The following FAM83G variants were observed in gnomAD, a reference collection of about 807,000 sequenced individuals.
FAM83G encodes the protein scaffolding CK1 anchoring protein G.
In FAM83G, 38 loss-of-function variants were observed where a neutral mutation model predicts 61.5. That is an observed-to-expected ratio of 0.62 (90% CI 0.48 to 0.81). The LOEUF is 0.81. Among genes scored for constraint, FAM83G ranks in the 30% least tolerant of loss-of-function variants. The pLI, the probability that FAM83G is intolerant of heterozygous loss-of-function variation, is 0.00. For synonymous variants in FAM83G, 470 were observed against 476.1 expected (o/e 0.99, Z 0.17); for missense variants, 989 against 1,133.6 (o/e 0.87, Z 1.83).
chr17:19,004,026 C>T lies in FAM83G; in HGVS notation c.16G>A (p.Val6Met). 6.3e-7 allele frequency: 1 copy of T among 1,598,078 alleles called. No homozygotes were observed. Among genetic ancestry groups the T allele is most frequent in the South Asian group, 1.1e-5 (1 of 89,888 alleles). The change falls in exon 2 of 6, where the codon GTG becomes ATG. Residue 6 changes from valine to methionine, a missense_variant. By Grantham distance (21) the Val-to-Met change is conservative. Transcript: ENST00000388995. This position sits in a 1 kb window ranked among gnomAD's most constrained non-coding sequence, Gnocchi z 5.4. MAFSQ[V>M]QCLDDNHVNW... Reference sequence around the variant, plus strand: ...ACATGGTTGTCGTCCAGACACTGCACCTGAGAGAAGGCCATGGCGCCGCCT... The same window carrying T: ...ACATGGTTGTCGTCCAGACACTGCATCTGAGAGAAGGCCATGGCGCCGCCT...
Position 18,976,717 on chromosome 17 carries a change from G to A in FAM83G, c.2082+867C>T, listed in dbSNP as rs978219876. 18 of 1,160,046 alleles carry A rather than the reference G, an allele frequency of 1.6e-5. No homozygotes were observed. The Admixed American group carries it at 4.1e-4, about 26-fold the overall frequency. 71.9% of individuals were successfully genotyped at this position (1,160,046 alleles called of 1,614,324 possible). ...CCCTGACAGTATTGGGGCTTTGAGT[G>A]TGGCTGTTTTGGGCAGGTCAGAGGC... is the stretch of plus-strand genomic sequence containing the variant. On this transcript the variant is annotated intron_variant, in intron 5 of 5. Coordinates refer to ENST00000388995, the MANE Select transcript of FAM83G (RefSeq NM_001039999.3).
chr17:18,979,805 G>A, intron 3 of FAM83G, 132 bp from the exon 4 acceptor site: 1 of 1,034,540 alleles, frequency 9.7e-7, no homozygotes, highest in Non-Finnish European at 1.4e-6. Context: ...AGGCTGTAAG[G>A]CCTGGAGAAA....
intron 5 of FAM83G, chr17:18,975,631 G>A (rs1461121669): frequency 6.6e-6 from 1 of 151,894 alleles, no homozygotes; most frequent in African/African-American, 2.4e-5. Flanking sequence ...GAAGGCAGAG[G>A]TTGCGGTGAC....
intron 2 of FAM83G, among the ~76,000 whole-genome samples, chr17:18,995,077 AAAAACTAC>A (rs1264582915): frequency 2.0e-5 from 3 of 152,232 alleles, no homozygotes; most frequent in Non-Finnish European, 4.4e-5. Flanking sequence ...CAAAACAAAC[AAAAACTAC>A]AAACTAAAAT....
intron 3 of FAM83G, among the ~76,000 whole-genome samples, chr17:18,980,983 G>T (rs1418641021): frequency 1.3e-5 from 2 of 152,170 alleles, no homozygotes; most frequent in East Asian, 3.9e-4. Context: ...TTCTTAGTCA[G>T]GCTGAGCTGT....
chr17:18,972,803 A>G lies in FAM83G; in HGVS notation c.2083-1055T>C, dbSNP rs530309983. ...CGTGAGCCCAGGAGGTGGAGTTGAC[A>G]GTGAGCAGTGAGCCGAGATTGTGCC... On this transcript the variant is annotated intron_variant, in intron 5 of 5. Coordinates refer to ENST00000388995, the MANE Select transcript of FAM83G (RefSeq NM_001039999.3). Among the ~76,000 whole-genome samples the G allele has an allele frequency of 6.2e-3, 942 of 151,966 alleles. 11 individuals carry two copies. Among genetic ancestry groups the G allele is most frequent in the Non-Finnish European group, 0.01 (709 of 67,954 alleles).
chr17:18,997,769 C>G (rs1245233249), intron 2 of FAM83G, among the ~76,000 whole-genome samples: 1 of 152,204 alleles, frequency 6.6e-6, no homozygotes, highest in Non-Finnish European at 1.5e-5. Context: ...AGACTACTCA[C>G]AGAGAGAAGC....
Position 18,996,100 on chromosome 17 carries a change from A to T in FAM83G, c.522+7420T>A, listed in dbSNP as rs1462020937. ...CTTCTCATCAGAATCACTGCAAGCC[A>T]CAAGACAACAGGCAATATCTTTAAA... On this transcript the variant is annotated intron_variant, in intron 2 of 5. Transcript: ENST00000388995. The surrounding 1 kb of genome is among the most constrained non-coding windows in gnomAD (Gnocchi z 4.4). Among the ~76,000 whole-genome samples, 1 of 151,964 alleles carries T rather than the reference A, an allele frequency of 6.6e-6. No individual in the cohort carries two copies. Among genetic ancestry groups the T allele is most frequent in the East Asian group, 1.9e-4 (1 of 5,186 alleles).
At chr17:18,979,525 C>G (rs773836596) in intron 4 of FAM83G, 24 bp downstream of exon 4, 1 of 1,611,548 alleles carries the variant, frequency 6.2e-7, no homozygotes, top group Non-Finnish European at 8.5e-7. Flanking sequence ...TCTCGCACAA[C>G]TTCCCTGAAA....
rs371835857 is a variant in FAM83G, at chr17:18,988,385, G to A, written c.552C>T (p.Thr184=). The A allele has an allele frequency of 2.3e-5, 37 of 1,614,134 alleles. No individual in the cohort carries two copies. Among genetic ancestry groups the A allele is most frequent in the Non-Finnish European group, 3.0e-5 (35 of 1,180,000 alleles). Residue 184 remains threonine, a synonymous_variant, in exon 3 of 6, where the codon ACC becomes ACT. Transcript: ENST00000388995. ...GCAGGTCCTTGAAGATGTCCACGTC[G>A]GTGAACATGTCCATGACCACAGCTA... ...KVIAVVMDMF[T]DVDIFKDLLD...
rs571487024 is a variant in FAM83G, at chr17:18,970,428, T to A, written c.*931A>T. ...GGTAGACAGGAACAGTGAGGTGTTT[T>A]GGACTGGAGAGGAAAAAGCCCCGGC... is the stretch of plus-strand genomic sequence containing the variant. On this transcript the variant is annotated 3_prime_UTR_variant, in exon 6 of 6. Coordinates refer to ENST00000388995, the MANE Select transcript of FAM83G (RefSeq NM_001039999.3). 6 of 157,352 alleles carry A rather than the reference T, an allele frequency of 3.8e-5. No homozygotes were observed. Among genetic ancestry groups the A allele is most frequent in the African/African-American group, 1.4e-4 (6 of 41,418 alleles). 9.7% of individuals were successfully genotyped at this position (157,352 alleles called of 1,614,324 possible).
At chr17:18,979,802 A>T (rs1425308957) in intron 3 of FAM83G, 129 bp from the exon 4 acceptor site, 2 of 1,060,108 alleles carry the variant, frequency 1.9e-6, no homozygotes, top group Admixed American at 2.0e-5. Flanking sequence ...AAGAGGCTGT[A>T]AGGCCTGGAG....
chr17:18,977,385 C>G, intron 5 of FAM83G, 199 bp downstream of exon 5: 2 of 612,484 alleles, frequency 3.3e-6, no homozygotes, highest in East Asian at 5.8e-5. Context: ...GACCAAGAGT[C>G]CCCAGCATTA....
intron 2 of FAM83G, among the ~76,000 whole-genome samples, chr17:18,995,104 C>T (rs2043530007): frequency 6.6e-6 from 1 of 152,114 alleles, no homozygotes; most frequent in East Asian, 1.9e-4. Context: ...ATCCAACATG[C>T]CCGGTATCCA....
rs1052725275 is a variant in FAM83G, at chr17:18,996,705, C to T, written c.522+6815G>A. Among the ~76,000 whole-genome samples the T allele has an allele frequency of 5.3e-5, 8 of 152,176 alleles. No individual in the cohort carries two copies. The highest frequency in any genetic ancestry group is 1.9e-4 in the African/African-American group (8 of 41,432). The stretch of plus-strand genomic sequence containing the variant: ...CAGGGAGGGGTGGTGATGGCCACTC[C>T]CATTTTCCAGAGGGGGTGTCACTGT... On this transcript the variant is annotated intron_variant, in intron 2 of 5. Coordinates refer to ENST00000388995, the MANE Select transcript of FAM83G (RefSeq NM_001039999.3). This position sits in a 1 kb window ranked among gnomAD's most constrained non-coding sequence, Gnocchi z 4.4.
intron 2 of FAM83G, 69 bp from the exon 3 acceptor site, chr17:18,988,483 GC>G: frequency 1.3e-6 from 2 of 1,583,878 alleles, no homozygotes; most frequent in Admixed American, 3.4e-5. Flanking sequence ...CCCTGGCAGA[GC>G]GCACAGCCCT....
intron 2 of FAM83G, among the ~76,000 whole-genome samples, chr17:18,998,787 G>A (rs973424167): frequency 2.0e-5 from 3 of 152,220 alleles, no homozygotes; most frequent in Non-Finnish European, 4.4e-5. Flanking sequence ...TGGGCCAGCT[G>A]TGCGCCCCAC....
At chr17:18,982,454 CG>C (rs960649833) in intron 3 of FAM83G, among the ~76,000 whole-genome samples, 3 of 152,206 alleles carry the variant, frequency 2.0e-5, no homozygotes, top group Non-Finnish European at 4.4e-5. Context: ...GGGACACCCC[CG>C]GCACAGGACA....
chr17:18,978,232 T>G lies in FAM83G; in HGVS notation c.1434A>C (p.Pro478=), dbSNP rs984855961. 1 of 1,587,620 alleles carries G rather than the reference T, an allele frequency of 6.3e-7. No individual in the cohort carries two copies. Among genetic ancestry groups the G allele is most frequent in the African/African-American group, 1.3e-5 (1 of 74,526 alleles). ...SRPRPEPCPP[P]EPSAPQDGVP... ...CACCGTCCTGGGGGGCACTGGGCTC[T>G]GGGGGAGGGCAAGGCTCTGGACGGG... Residue 478 remains proline (P), a synonymous_variant, in exon 5 of 6, where the codon CCA becomes CCC. Coordinates refer to ENST00000388995, the MANE Select transcript of FAM83G (RefSeq NM_001039999.3).
Sources: gnomAD v4.1 joint callset for allele counts (sites outside exome capture counted in the v4.1 genomes callset) on GRCh38, gnomAD v4.1.1 for gene constraint, Gnocchi (gnomAD v3.1) non-coding constraint, MANE v1.5 for transcripts, NCBI Gene and HGNC (gene_info 2026-07-23, HGNC 2026-07-21) for gene names.